The following EYS variants were observed in gnomAD, a reference collection of about 807,000 sequenced individuals.
The protein encoded by EYS is protein eyes shut homolog.
Under a neutral mutation model 282.1 loss-of-function variants are expected in EYS, and 250 were observed. That is an observed-to-expected ratio of 0.89 (90% CI 0.80 to 0.98). The LOEUF is 0.98. EYS is among the 50% of genes least tolerant of loss of function. The pLI is 0.00. For synonymous variants in EYS, 1,355 were observed against 1,282.9 expected (o/e 1.06, Z -1.20); for missense variants, 4,016 against 3,709.0 (o/e 1.08, Z -2.15).
At position 64,025,579 on chromosome 6, in the gene EYS, G is replaced by T. The variant is rs533969167; in HGVS notation, c.6726-26396C>A. On this transcript the variant is annotated intron_variant, in intron 33 of 42. Coordinates refer to ENST00000503581, the MANE Select transcript of EYS (RefSeq NM_001142800.2). ...TTTCTAGTATAAACTCCAGGACTCT[G>T]TTACCTTCTTTAGGCACCTGGGCTC... Among the ~76,000 whole-genome samples the T allele has an allele frequency of 9.2e-5, 14 of 152,226 alleles. No individual in the cohort carries two copies. The East Asian group carries it at 2.7e-3, about 29-fold the overall frequency.
chr6:64,363,092 A>T (rs949159447), intron 29 of EYS, among the ~76,000 whole-genome samples: 2 of 151,448 alleles, frequency 1.3e-5, no homozygotes, highest in Non-Finnish European at 2.9e-5. Context: ...CCTCCAGAAG[A>T]GCTGGGACCA....
chr6:65,267,446 A>G (rs543498625), intron 12 of EYS, among the ~76,000 whole-genome samples: 7 of 151,990 alleles, frequency 4.6e-5, no homozygotes, highest in Non-Finnish European at 1.0e-4. Context: ...TTAATTCGTC[A>G]TAGTACATTG....
At chr6:64,969,863 T>C (rs1379688124) in intron 14 of EYS, among the ~76,000 whole-genome samples, 3 of 152,174 alleles carry the variant, frequency 2.0e-5, no homozygotes, top group African/African-American at 7.2e-5. Flanking sequence ...AATTTCACCT[T>C]GGTACTCTTC....
chr6:65,062,860 T>G (rs1252854841), intron 12 of EYS, among the ~76,000 whole-genome samples: 3 of 152,012 alleles, frequency 2.0e-5, no homozygotes, highest in African/African-American at 7.2e-5. Context: ...TTTATAAAAC[T>G]TATTACACAC....
intron 12 of EYS, among the ~76,000 whole-genome samples, chr6:65,158,491 C>A (rs76669141): frequency 7.0e-4 from 105 of 150,946 alleles, no homozygotes; most frequent in African/African-American, 2.3e-3. Flanking sequence ...TTCTTAGATG[C>A]CATGTCTTGG....
At chr6:64,479,704 T>A (rs528808866) in intron 26 of EYS, among the ~76,000 whole-genome samples, 7 of 152,072 alleles carry the variant, frequency 4.6e-5, no homozygotes, top group Non-Finnish European at 8.8e-5. Flanking sequence ...CTCAACACTT[T>A]TAAACAGCTG....
chr6:64,421,893 G>T (rs1383002101), intron 28 of EYS, among the ~76,000 whole-genome samples: 1 of 150,744 alleles, frequency 6.6e-6, no homozygotes, highest in Non-Finnish European at 1.5e-5. Flanking sequence ...GTGTGTGTGT[G>T]TGTGTGTAGA....
chr6:63,850,176 G>A (rs1158137247), intron 36 of EYS, among the ~76,000 whole-genome samples: 1 of 152,114 alleles, frequency 6.6e-6, no homozygotes, highest in Non-Finnish European at 1.5e-5. Context: ...ATGAGACAAT[G>A]GGAAAAGACC....
At chr6:65,213,194 G>A (rs749595771) in intron 12 of EYS, among the ~76,000 whole-genome samples, 13 of 152,132 alleles carry the variant, frequency 8.5e-5, no homozygotes, top group Non-Finnish European at 1.8e-4. Context: ...GATGGAGAGG[G>A]TGCTGCTCAT....
At chr6:63,939,830 A>G (rs1765180238) in intron 35 of EYS, among the ~76,000 whole-genome samples, 1 of 152,270 alleles carries the variant, frequency 6.6e-6, no homozygotes, top group South Asian at 2.1e-4. Context: ...ATCAAAAGTT[A>G]TGCTCACACT....
chr6:65,216,772 C>A (rs1582027560), intron 12 of EYS, among the ~76,000 whole-genome samples: 1 of 151,608 alleles, frequency 6.6e-6, no homozygotes, highest in South Asian at 2.1e-4. Context: ...ACTTGGCTTG[C>A]AAATATTTTA....
intron 34 of EYS, among the ~76,000 whole-genome samples, chr6:63,985,299 C>G (rs1396531910): frequency 6.6e-6 from 1 of 151,558 alleles, no homozygotes; most frequent in East Asian, 1.9e-4. Flanking sequence ...ATTGCCAACA[C>G]CTTACCAAAA....
intron 2 of EYS, among the ~76,000 whole-genome samples, chr6:65,585,030 C>T (rs1764997428): frequency 6.6e-6 from 1 of 151,606 alleles, no homozygotes; most frequent in Non-Finnish European, 1.5e-5. Context: ...GGATATTTTA[C>T]AAGATAAAAG....
chr6:64,950,456 A>T (rs1346152432), intron 14 of EYS, among the ~76,000 whole-genome samples: 4 of 151,610 alleles, frequency 2.6e-5, no homozygotes, highest in Admixed American at 2.6e-4. Context: ...CAAAAAGTCA[A>T]TTTTTTTCAA....
chr6:64,291,673 G>A (rs1330859055), intron 30 of EYS, among the ~76,000 whole-genome samples: 1 of 151,918 alleles, frequency 6.6e-6, no homozygotes, highest in Non-Finnish European at 1.5e-5. Flanking sequence ...TATAACAAAA[G>A]TCTATGAATT....
chr6:65,123,506 C>A (rs530603196), intron 12 of EYS, among the ~76,000 whole-genome samples: 5 of 151,986 alleles, frequency 3.3e-5, no homozygotes, highest in African/African-American at 9.7e-5. Context: ...ATAAAAGGTC[C>A]TTTGAACAGA....
chr6:65,459,674 T>C (rs1444601477), intron 5 of EYS, among the ~76,000 whole-genome samples: 6 of 151,516 alleles, frequency 4.0e-5, no homozygotes, highest in Non-Finnish European at 7.4e-5. Flanking sequence ...AATGAATGGA[T>C]AAAAAAGAGT....
chr6:64,001,124 T>C (rs1209342620), intron 33 of EYS, among the ~76,000 whole-genome samples: 1 of 152,256 alleles, frequency 6.6e-6, no homozygotes, highest in Admixed American at 6.5e-5. Context: ...ATCCGTTGAC[T>C]GGCTGAGTGA....
intron 30 of EYS, among the ~76,000 whole-genome samples, chr6:64,270,871 T>C (rs1323631343): frequency 1.3e-5 from 2 of 152,188 alleles, no homozygotes; most frequent in East Asian, 1.9e-4. Flanking sequence ...TGAAACAGCA[T>C]AGTTGTTAAT....
Sources: allele counts gnomAD v4.1 joint callset (sites outside exome capture counted in the v4.1 genomes callset), GRCh38; gene constraint gnomAD v4.1.1; transcripts MANE v1.5; gene names NCBI Gene and HGNC (gene_info 2026-07-23, HGNC 2026-07-21).